Variants in QTMAN observed in about 807,000 individuals in gnomAD.
The protein encoded by QTMAN is tRNA-queuosine alpha-mannosyltransferase.
chr2:144,243,588 G>T, the QTMAN span, among the ~76,000 whole-genome samples: 7 of 152,174 alleles, frequency 4.6e-5, no homozygotes, highest in Admixed American at 6.5e-5. Context: ...TGTTAGAAAC[G>T]ACTTGAAAGG....
At chr2:143,970,598 T>C in the QTMAN span, 1 of 902,802 alleles carries the variant, frequency 1.1e-6, no homozygotes, top group Non-Finnish European at 1.9e-6. Flanking sequence ...AATACTTACG[T>C]TGTAGAGCTT....
chr2:144,030,758 T>TG, the QTMAN span, among the ~76,000 whole-genome samples: 1 of 152,110 alleles, frequency 6.6e-6, no homozygotes, highest in South Asian at 2.1e-4. Context: ...GATATGCAAT[T>TG]GGAAGTATAC....
the QTMAN span, among the ~76,000 whole-genome samples, chr2:144,126,930 G>A: frequency 6.6e-6 from 1 of 151,870 alleles, no homozygotes; most frequent in African/African-American, 2.4e-5. Flanking sequence ...GTTAGCTCTG[G>A]GTATATTATT....
chr2:144,218,249 T>C, the QTMAN span, among the ~76,000 whole-genome samples: 1 of 152,208 alleles, frequency 6.6e-6, no homozygotes, highest in African/African-American at 2.4e-5. Context: ...ATAGGTGGCA[T>C]CTAATTCTAT....
chr2:144,048,156 G>A, the QTMAN span, among the ~76,000 whole-genome samples: 1 of 152,168 alleles, frequency 6.6e-6, no homozygotes, highest in Non-Finnish European at 1.5e-5. Flanking sequence ...CAGGGTGGGG[G>A]TGGTCAACAA....
At chr2:144,086,700 T>C in the QTMAN span, among the ~76,000 whole-genome samples, 1 of 152,220 alleles carries the variant, frequency 6.6e-6, no homozygotes, top group Admixed American at 6.5e-5. Flanking sequence ...AAATAGGATT[T>C]GAAATTTATT....
chr2:144,104,794 C>T, the QTMAN span, among the ~76,000 whole-genome samples: 4 of 152,188 alleles, frequency 2.6e-5, no homozygotes, highest in African/African-American at 9.6e-5. Context: ...GATCTGAGAA[C>T]GGACAGACTG....
At chr2:144,151,133 TA>T in the QTMAN span, among the ~76,000 whole-genome samples, 1 of 152,194 alleles carries the variant, frequency 6.6e-6, no homozygotes, top group Non-Finnish European at 1.5e-5. Flanking sequence ...CAAAATCTTA[TA>T]TGTACATTAG....
the QTMAN span, among the ~76,000 whole-genome samples, chr2:144,297,546 T>C: frequency 6.6e-6 from 1 of 151,570 alleles, no homozygotes; most frequent in Non-Finnish European, 1.5e-5. Context: ...CTCATGCCTG[T>C]AATCCCAGAC....
the QTMAN span, among the ~76,000 whole-genome samples, chr2:144,136,383 AAAAGGAAAAGGAAAAGG>A: frequency 1.8e-5 from 2 of 110,102 alleles, no homozygotes; most frequent in Non-Finnish European, 3.9e-5. Flanking sequence ...AAGGAAAAGG[AAAAGGAAAAGGAAAAGG>A]AAAGGAAAGG....
the QTMAN span, among the ~76,000 whole-genome samples, chr2:144,151,981 T>C: frequency 6.6e-6 from 1 of 152,130 alleles, no homozygotes; most frequent in Non-Finnish European, 1.5e-5. Context: ...AAATACAAGA[T>C]GGAAGTCTTA....
chr2:144,020,496 T>G, the QTMAN span, among the ~76,000 whole-genome samples: 2 of 152,078 alleles, frequency 1.3e-5, no homozygotes, highest in Non-Finnish European at 2.9e-5. Context: ...TGTGACAAGG[T>G]AGAGGTTTAA....
the QTMAN span, among the ~76,000 whole-genome samples, chr2:144,181,139 T>C: frequency 1.3e-5 from 2 of 152,206 alleles, no homozygotes; most frequent in Non-Finnish European, 2.9e-5. Flanking sequence ...GTTTCTTATT[T>C]AGTCACAAGA....
the QTMAN span, among the ~76,000 whole-genome samples, chr2:144,325,143 G>A: frequency 2.0e-5 from 3 of 152,142 alleles, no homozygotes; most frequent in Non-Finnish European, 2.9e-5. Flanking sequence ...AAGGAATCAC[G>A]GTTCATCTAC....
At chr2:144,328,895 G>A in the QTMAN span, among the ~76,000 whole-genome samples, 1 of 152,162 alleles carries the variant, frequency 6.6e-6, no homozygotes, top group East Asian at 1.9e-4. Flanking sequence ...TTACTCCGGA[G>A]ATTCAAAGAA....
the QTMAN span, among the ~76,000 whole-genome samples, chr2:143,974,939 C>T: frequency 6.6e-6 from 1 of 152,138 alleles, no homozygotes; most frequent in Non-Finnish European, 1.5e-5. Flanking sequence ...ACAAAATATT[C>T]CAGAAGATAA....
chr2:144,172,578 T>C, the QTMAN span, among the ~76,000 whole-genome samples: 1 of 147,764 alleles, frequency 6.8e-6, no homozygotes, highest in African/African-American at 2.5e-5. Flanking sequence ...GAGGCAAGAT[T>C]GTGCCACTAC....
the QTMAN span, among the ~76,000 whole-genome samples, chr2:144,207,026 C>A: frequency 7.9e-4 from 120 of 152,008 alleles, no homozygotes; most frequent in Non-Finnish European, 6.9e-4. Context: ...GTGAAAGCAA[C>A]CATAAACAGT....
At chr2:144,153,585 G>C in the QTMAN span, among the ~76,000 whole-genome samples, 1 of 152,150 alleles carries the variant, frequency 6.6e-6, no homozygotes, top group Non-Finnish European at 1.5e-5. Context: ...CAGTTACTTG[G>C]GAGGCTGAGG....
Sources: allele counts gnomAD v4.1 joint callset (sites outside exome capture counted in the v4.1 genomes callset), GRCh38; gene constraint gnomAD v4.1.1; transcripts MANE v1.5; gene names NCBI Gene and HGNC (gene_info 2026-07-23, HGNC 2026-07-21).